Variants in PDE10A observed in about 807,000 individuals in gnomAD.
PDE10A encodes cAMP and cAMP-inhibited cGMP 3',5'-cyclic phosphodiesterase 10A.
Under a neutral mutation model 97.7 loss-of-function variants are expected in PDE10A, and 39 were observed. The ratio of observed to expected loss-of-function variants is 0.40; its 90% CI spans 0.31 to 0.52. The LOEUF (loss-of-function observed/expected upper bound fraction) is 0.52. PDE10A is among the 20% of genes least tolerant of loss of function. The pLI is 0.56. For synonymous variants in PDE10A, 371 were observed against 376.8 expected, an observed-to-expected ratio of 0.98 and a Z score of 0.18; for missense variants, 731 against 1,047.8, an observed-to-expected ratio of 0.70 and a Z score of 4.17.
chr6:165,522,660 T>C (rs1324194945), intron 2 of PDE10A, among the ~76,000 whole-genome samples: 2 of 152,022 alleles, frequency 1.3e-5, no homozygotes, highest in Non-Finnish European at 2.9e-5. Flanking sequence ...ACAGCCAACA[T>C]CATACTAGCA....
chr6:165,600,895 C>T (rs373668211), intron 1 of PDE10A, among the ~76,000 whole-genome samples: 1 of 152,202 alleles, frequency 6.6e-6, no homozygotes, highest in Admixed American at 6.5e-5. Flanking sequence ...TCCTGACTCA[C>T]AAATAAGCAC....
intron 3 of PDE10A, among the ~76,000 whole-genome samples, chr6:165,476,307 T>C (rs1242835280): frequency 6.6e-6 from 1 of 152,028 alleles, no homozygotes; most frequent in Non-Finnish European, 1.5e-5. Context: ...CTCAAGATAA[T>C]TAAAGAATTA....
At chr6:165,903,517 G>A (rs566799399) in intron 1 of PDE10A, among the ~76,000 whole-genome samples, 3 of 152,304 alleles carry the variant, frequency 2.0e-5, no homozygotes, top group Admixed American at 2.0e-4. Flanking sequence ...AGACAGAAAA[G>A]ACAATTGGAG....
chr6:165,577,100 T>A (rs573731359), intron 1 of PDE10A, among the ~76,000 whole-genome samples: 1 of 152,340 alleles, frequency 6.6e-6, no homozygotes, highest in African/African-American at 2.4e-5. Context: ...AGTAACTGAA[T>A]CCATCAATCC....
chr6:165,767,386 A>C (rs1459639791), intron 1 of PDE10A, among the ~76,000 whole-genome samples: 1 of 152,216 alleles, frequency 6.6e-6, no homozygotes, highest in Non-Finnish European at 1.5e-5. Context: ...CTGTAATTCA[A>C]GAACATTTTC....
chr6:165,409,125 A>G (rs557405423), intron 13 of PDE10A, among the ~76,000 whole-genome samples: 1 of 145,238 alleles, frequency 6.9e-6, no homozygotes, highest in East Asian at 2.0e-4. Flanking sequence ...AGATGGCACC[A>G]CTGCACTCCA....
At chr6:165,416,483 GA>G (rs1788322399) in intron 11 of PDE10A, among the ~76,000 whole-genome samples, 1 of 152,152 alleles carries the variant, frequency 6.6e-6, no homozygotes, top group African/African-American at 2.4e-5. Flanking sequence ...AATCACCTGA[GA>G]ACCTTAAAAT....
chr6:165,894,572 C>G lies in PDE10A; in HGVS notation c.-615+92957G>C, dbSNP rs544396360. 1.5e-5 allele frequency: 7 copies of G among 455,872 alleles called. 1 individual carries two copies. Among genetic ancestry groups the G allele is most frequent in the South Asian group, 1.1e-4 (7 of 64,510 alleles). 28.2% of individuals were successfully genotyped at this position (455,872 alleles called of 1,614,324 possible). On this transcript the variant is annotated intron_variant, in intron 1 of 19. Transcript: ENST00000366882. ...GGGGAGCCAAGAGTAGTTCTGGCTC[C>G]TGGAGAAGGACCACAACCCTGTACT...
intron 1 of PDE10A, among the ~76,000 whole-genome samples, chr6:165,893,367 C>T (rs1042861304): frequency 2.0e-5 from 3 of 152,218 alleles, no homozygotes; most frequent in Non-Finnish European, 2.9e-5. Flanking sequence ...ATGTGTTAAG[C>T]ACTCTCCTAA....
intron 1 of PDE10A, among the ~76,000 whole-genome samples, chr6:165,806,844 T>C (rs552896798): frequency 6.6e-6 from 1 of 152,338 alleles, no homozygotes; most frequent in South Asian, 2.1e-4. Context: ...GGGGTTCATT[T>C]AGTCAATTTG....
chr6:165,578,238 C>CA (rs1785421897), intron 1 of PDE10A, among the ~76,000 whole-genome samples: 1 of 143,926 alleles, frequency 6.9e-6, no homozygotes, highest in Non-Finnish European at 1.5e-5. Context: ...TGGATGGCTG[C>CA]ACTCTCAAGA....
At chr6:165,852,071 C>T (rs998488304) in intron 1 of PDE10A, among the ~76,000 whole-genome samples, 1 of 152,216 alleles carries the variant, frequency 6.6e-6, no homozygotes, top group Non-Finnish European at 1.5e-5. Context: ...ATAATCCAAG[C>T]CAGTTTTCAC....
At chr6:165,973,618 C>G (rs1784762224) in intron 1 of PDE10A, among the ~76,000 whole-genome samples, 2 of 151,886 alleles carry the variant, frequency 1.3e-5, no homozygotes, top group Admixed American at 1.3e-4. Flanking sequence ...TCCTGGCAGT[C>G]TGAAGATGGC....
chr6:165,595,068 C>T (rs1786504922), intron 1 of PDE10A, among the ~76,000 whole-genome samples: 1 of 152,098 alleles, frequency 6.6e-6, no homozygotes, highest in African/African-American at 2.4e-5. Flanking sequence ...ATTCTGAAAC[C>T]CAGATTCTTT....
chr6:165,756,254 A>C (rs189726937), intron 1 of PDE10A, among the ~76,000 whole-genome samples: 166 of 150,226 alleles, frequency 1.1e-3, no homozygotes, highest in Non-Finnish European at 1.3e-4. Context: ...GTTTCCAGAA[A>C]GACTTTTCTC....
intron 18 of PDE10A, among the ~76,000 whole-genome samples, chr6:165,347,930 ACTTTTC>A (rs1281129517): frequency 4.6e-5 from 7 of 152,188 alleles, no homozygotes; most frequent in Non-Finnish European, 1.0e-4. Flanking sequence ...AAAATATAGA[ACTTTTC>A]AAGTTCTATT....
At chr6:165,541,620 A>G (rs1241543602) in intron 2 of PDE10A, among the ~76,000 whole-genome samples, 2 of 152,224 alleles carry the variant, frequency 1.3e-5, no homozygotes, top group Non-Finnish European at 2.9e-5. Flanking sequence ...TGAAATTTGC[A>G]TCTTTTTTTA....
chr6:165,368,905 A>G (rs1308124555), intron 18 of PDE10A, among the ~76,000 whole-genome samples: 4 of 152,318 alleles, frequency 2.6e-5, no homozygotes, highest in Non-Finnish European at 4.4e-5. Context: ...ATCAGACAGC[A>G]GCATTCGCGG....
intron 1 of PDE10A, among the ~76,000 whole-genome samples, chr6:165,731,703 T>A (rs774493049): frequency 5.9e-5 from 9 of 152,224 alleles, no homozygotes; most frequent in African/African-American, 2.2e-4. Context: ...ATGAGGCCTA[T>A]GAGTTGAGGT....
Sources: gnomAD v4.1 joint callset for allele counts (sites outside exome capture counted in the v4.1 genomes callset) on GRCh38, gnomAD v4.1.1 for gene constraint, MANE v1.5 for transcripts, NCBI Gene and HGNC (gene_info 2026-07-23, HGNC 2026-07-21) for gene names.